The following HHAT variants were observed in gnomAD, a reference collection of about 807,000 sequenced individuals.
HHAT encodes the protein hedgehog acyltransferase, also known as protein-cysteine N-palmitoyltransferase HHAT.
HHAT carries 47 observed loss-of-function variants against 70.8 expected under a neutral mutation model. That is an observed-to-expected ratio of 0.66 (90% CI 0.53 to 0.85). HHAT has a LOEUF of 0.85. Ranked by LOEUF, HHAT falls within the 40% of genes least tolerant of loss-of-function variation. The pLI is 0.00. For missense variants in HHAT, 609 were observed against 604.8 expected, an observed-to-expected ratio of 1.01 and a Z score of -0.07; for synonymous variants, 228 against 247.6, an observed-to-expected ratio of 0.92 and a Z score of 0.74.
intron 3 of HHAT, among the ~76,000 whole-genome samples, chr1:210,364,380 C>T (rs780675084): frequency 2.0e-5 from 3 of 152,118 alleles, no homozygotes; most frequent in East Asian, 1.9e-4. Context: ...CTACTCTTTA[C>T]GAATGTAACA....
intron 9 of HHAT, among the ~76,000 whole-genome samples, chr1:210,564,821 G>A (rs1252000252): frequency 6.6e-6 from 1 of 152,070 alleles, no homozygotes; most frequent in Non-Finnish European, 1.5e-5. Context: ...GGGGAGGGGA[G>A]GGGAGGGGCA....
intron 9 of HHAT, among the ~76,000 whole-genome samples, chr1:210,516,212 C>T (rs183530885): frequency 6.6e-6 from 1 of 152,130 alleles, no homozygotes. Flanking sequence ...AGGTTGAAGA[C>T]GGTGGGGTTA....
At chr1:210,489,003 C>T (rs748351628) in intron 8 of HHAT, among the ~76,000 whole-genome samples, 2 of 152,130 alleles carry the variant, frequency 1.3e-5, no homozygotes, top group Non-Finnish European at 2.9e-5. Context: ...ACTTTCCATA[C>T]TAAAAAGTGG....
At chr1:210,337,889 C>T (rs2085648991) in intron 1 of HHAT, among the ~76,000 whole-genome samples, 1 of 152,168 alleles carries the variant, frequency 6.6e-6, no homozygotes, top group Non-Finnish European at 1.5e-5. Flanking sequence ...TCCTGGTTGT[C>T]AGTAGAAGTT....
At chr1:210,537,383 A>G (rs2095384554) in intron 9 of HHAT, among the ~76,000 whole-genome samples, 2 of 152,132 alleles carry the variant, frequency 1.3e-5, no homozygotes, top group Non-Finnish European at 2.9e-5. Flanking sequence ...ATACAGTGTC[A>G]TTGTTGCATT....
At chr1:210,581,191 AATAC>A (rs1367267736) in intron 9 of HHAT, among the ~76,000 whole-genome samples, 2 of 152,150 alleles carry the variant, frequency 1.3e-5, no homozygotes, top group Admixed American at 1.3e-4. Context: ...TTTTCTTATA[AATAC>A]ATTTAAGTTC....
At chr1:210,515,122 C>A (rs886177055) in intron 9 of HHAT, among the ~76,000 whole-genome samples, 3 of 152,220 alleles carry the variant, frequency 2.0e-5, no homozygotes, top group African/African-American at 7.2e-5. Context: ...TTCTCTCTAC[C>A]TTGCTGTGCT....
At chr1:210,648,025 C>T (rs926246556) in intron 11 of HHAT, among the ~76,000 whole-genome samples, 1 of 152,128 alleles carries the variant, frequency 6.6e-6, no homozygotes, top group African/African-American at 2.4e-5. Flanking sequence ...TTCTTGTGTC[C>T]CACCTCTGGG....
chr1:210,425,359 T>C (rs2093031090), intron 7 of HHAT, among the ~76,000 whole-genome samples: 1 of 152,232 alleles, frequency 6.6e-6, no homozygotes, highest in Non-Finnish European at 1.5e-5. Flanking sequence ...AGATCCCATT[T>C]GTCAATTTTG....
At chr1:210,370,552 C>A (rs890988267) in intron 3 of HHAT, among the ~76,000 whole-genome samples, 2 of 150,760 alleles carry the variant, frequency 1.3e-5, no homozygotes, top group Non-Finnish European at 2.9e-5. Context: ...AGCAGGGTAC[C>A]TGGTGGCTAA....
chr1:210,351,306 C>T (rs2086995498), intron 2 of HHAT, among the ~76,000 whole-genome samples: 1 of 152,192 alleles, frequency 6.6e-6, no homozygotes, highest in Non-Finnish European at 1.5e-5. Context: ...TGCCCACCTG[C>T]ATTAAAGAGG....
At chr1:210,417,461 C>T (rs2092757129) in intron 6 of HHAT, among the ~76,000 whole-genome samples, 1 of 152,178 alleles carries the variant, frequency 6.6e-6, no homozygotes, top group Non-Finnish European at 1.5e-5. Flanking sequence ...TCTCGAACTC[C>T]TGACCTCAGG....
intron 3 of HHAT, chr1:210,374,096 A>C (rs557115410): frequency 6.6e-6 from 1 of 151,836 alleles, no homozygotes; most frequent in African/African-American, 2.4e-5. Context: ...TGAATCACTT[A>C]AGCCTAAAGT....
At chr1:210,475,234 T>G (rs2501903) in intron 8 of HHAT, among the ~76,000 whole-genome samples, 26,134 of 151,998 alleles carry the variant, frequency 0.17, 2,445 homozygotes, top group East Asian at 0.43. Flanking sequence ...GTACTTTGTG[T>G]TAGGCTTACC....
At chr1:210,625,219 A>C (rs1669610815) in intron 11 of HHAT, among the ~76,000 whole-genome samples, 1 of 152,186 alleles carries the variant, frequency 6.6e-6, no homozygotes, top group South Asian at 2.1e-4. Flanking sequence ...AAGATGAGAG[A>C]TAATAGGGCA....
At chr1:210,664,617 A>G (rs1233369687) in intron 11 of HHAT, among the ~76,000 whole-genome samples, 1 of 152,258 alleles carries the variant, frequency 6.6e-6, no homozygotes, top group African/African-American at 2.4e-5. Context: ...CCACCAAAGC[A>G]GAGATATGTA....
chr1:210,638,692 CTTAAGCAACATAGAGA>C (rs1672382303), intron 11 of HHAT, among the ~76,000 whole-genome samples: 1 of 126,270 alleles, frequency 7.9e-6, no homozygotes, highest in Non-Finnish European at 1.6e-5. Context: ...TCGAGACCAG[CTTAAGCAACATAGAGA>C]GACCCTGTAT....
intron 7 of HHAT, among the ~76,000 whole-genome samples, chr1:210,423,048 T>C (rs1221967115): frequency 6.6e-6 from 1 of 152,226 alleles, no homozygotes; most frequent in Non-Finnish European, 1.5e-5. Context: ...AGATGTCTCT[T>C]GAATATAATG....
At chr1:210,659,948 C>G (rs1677287635) in intron 11 of HHAT, among the ~76,000 whole-genome samples, 1 of 152,070 alleles carries the variant, frequency 6.6e-6, no homozygotes, top group Non-Finnish European at 1.5e-5. Flanking sequence ...TATGACAAAC[C>G]CACCACCAAT....
Sources: allele counts gnomAD v4.1 joint callset (sites outside exome capture counted in the v4.1 genomes callset), GRCh38; gene constraint gnomAD v4.1.1; transcripts MANE v1.5; gene names NCBI Gene and HGNC (gene_info 2026-07-23, HGNC 2026-07-21).